Variants in MCOLN2 observed in about 807,000 individuals in gnomAD.
MCOLN2 encodes mucolipin-2.
A neutral mutation model predicts 67.5 loss-of-function variants in MCOLN2; 57 were observed. That is an observed-to-expected ratio of 0.84 (90% CI 0.68 to 1.05). MCOLN2 has a LOEUF of 1.05. Among genes scored for constraint, MCOLN2 ranks in the 50% least tolerant of loss-of-function variants. MCOLN2 has a pLI of 0.00. For missense variants in MCOLN2, 620 were observed against 678.8 expected, an observed-to-expected ratio of 0.91 and a Z score of 0.96; for synonymous variants, 246 against 233.3, an observed-to-expected ratio of 1.05 and a Z score of -0.50.
chr1:84,978,690 C>T (rs758190756), intron 1 of MCOLN2, among the ~76,000 whole-genome samples: 8 of 151,950 alleles, frequency 5.3e-5, no homozygotes, highest in Admixed American at 4.6e-4. Context: ...GTAATGAGAT[C>T]GAAGCTGTAA....
intron 1 of MCOLN2, among the ~76,000 whole-genome samples, chr1:84,967,430 C>A (rs1370388608): frequency 6.6e-6 from 1 of 152,108 alleles, no homozygotes; most frequent in South Asian, 2.1e-4. Flanking sequence ...ACTTGTGGGT[C>A]ATTTTTTAAG....
intron 1 of MCOLN2, among the ~76,000 whole-genome samples, chr1:84,983,676 CTTTT>C (rs569506991): frequency 3.1e-5 from 4 of 129,856 alleles, no homozygotes; most frequent in African/African-American, 2.9e-5. Context: ...TTTAAAATTT[CTTTT>C]TTTTTTTTTT....
intron 1 of MCOLN2, among the ~76,000 whole-genome samples, chr1:84,973,704 T>C (rs1254647625): frequency 6.6e-6 from 1 of 152,050 alleles, no homozygotes; most frequent in Non-Finnish European, 1.5e-5. Context: ...GCAAAGGACA[T>C]AAAGATTCTT....
rs1557666022 is a variant in MCOLN2, at chr1:84,987,584, A to ACATCTATG, written c.77+9211_77+9212insCATAGATG. On this transcript the variant is annotated intron_variant, in intron 1 of 13. Transcript: ENST00000370608. ...TGTATACATAGATGTATACATAGAT[A>ACATCTATG]TATACATATGTATATAGATGTATAT... is the stretch of plus-strand genomic sequence containing the variant. Among the ~76,000 whole-genome samples, 4 of 58,762 alleles carry ACATCTATG rather than the reference A, an allele frequency of 6.8e-5. 1 individual carries two copies. Among genetic ancestry groups the ACATCTATG allele is most frequent in the Non-Finnish European group, 9.6e-5 (3 of 31,260 alleles). The allele number at this position is 58,762 out of a possible 152,430, so 38.6% of individuals were successfully genotyped here.
At chr1:84,982,668 A>G (rs12730688) in intron 1 of MCOLN2, among the ~76,000 whole-genome samples, 65,960 of 151,612 alleles carry the variant, frequency 0.44, 15,037 homozygotes, top group East Asian at 0.63. Context: ...TGTTGTCCTA[A>G]CTGCTATTAT....
At chr1:84,931,629 T>G in intron 11 of MCOLN2, 61 bp from the exon 12 acceptor site, 4 of 1,363,236 alleles carry the variant, frequency 2.9e-6, no homozygotes, top group Non-Finnish European at 4.2e-6. Flanking sequence ...AGAGGATATC[T>G]AGTTAGCTTG....
chr1:84,980,657 C>T (rs572291213), intron 1 of MCOLN2, among the ~76,000 whole-genome samples: 1 of 152,128 alleles, frequency 6.6e-6, no homozygotes. Context: ...CTATCTATCA[C>T]CATATACAAA....
At chr1:84,979,994 C>A (rs1023560529) in intron 1 of MCOLN2, among the ~76,000 whole-genome samples, 1 of 152,074 alleles carries the variant, frequency 6.6e-6, no homozygotes, top group Non-Finnish European at 1.5e-5. Flanking sequence ...GACACAATAT[C>A]AACATACAAA....
chr1:84,929,465 G>T (rs1421960450), intron 13 of MCOLN2, 93 bp downstream of exon 13: 1 of 1,339,338 alleles, frequency 7.5e-7, no homozygotes, highest in South Asian at 1.7e-5. Flanking sequence ...TGATAAGCTG[G>T]TCTCTGAATG....
chr1:84,941,015 A>G (rs1232090981), intron 7 of MCOLN2, 24 bp from the exon 8 acceptor site: 1 of 1,448,534 alleles, frequency 6.9e-7, no homozygotes. Flanking sequence ...CAGAATTCAA[A>G]TGTTAAACAC....
chr1:84,976,423 A>G (rs187310599), intron 1 of MCOLN2, among the ~76,000 whole-genome samples: 143 of 152,346 alleles, frequency 9.4e-4, no homozygotes, highest in Non-Finnish European at 8.1e-4. Context: ...TTTATTCTAG[A>G]ATAGTATGTC....
At chr1:84,965,825 C>G (rs1279448513) in intron 1 of MCOLN2, 117 bp from the exon 2 acceptor site, 10 of 833,366 alleles carry the variant, frequency 1.2e-5, no homozygotes, top group Non-Finnish European at 1.6e-5. Context: ...TACTGAAAAG[C>G]CTCTTTATGA....
chr1:84,967,120 T>C (rs577699251), intron 1 of MCOLN2, among the ~76,000 whole-genome samples: 7 of 152,328 alleles, frequency 4.6e-5, no homozygotes, highest in East Asian at 1.9e-4. Context: ...ACTTCAAGCA[T>C]AGACTGTGAG....
intron 6 of MCOLN2, among the ~76,000 whole-genome samples, chr1:84,948,016 A>C (rs1395775436): frequency 6.6e-6 from 1 of 152,234 alleles, no homozygotes; most frequent in East Asian, 1.9e-4. Flanking sequence ...GCTTGTGCAC[A>C]CTTGGGCCAC....
chr1:84,974,633 G>A (rs543695687), intron 1 of MCOLN2, among the ~76,000 whole-genome samples: 4 of 152,122 alleles, frequency 2.6e-5, no homozygotes, highest in African/African-American at 4.8e-5. Context: ...AATCAGCAGC[G>A]ATACCCAGGT....
At chr1:84,956,378 C>T (rs632545) in intron 4 of MCOLN2, 53 bp downstream of exon 4, 773,419 of 1,574,804 alleles carry the variant, frequency 0.49, 191,545 homozygotes, top group East Asian at 0.61. Context: ...GAGGGCATTT[C>T]TGCTCTTACC....
At chr1:84,937,628 A>G in intron 11 of MCOLN2, 127 bp downstream of exon 11, 1 of 1,472,650 alleles carries the variant, frequency 6.8e-7, no homozygotes, top group South Asian at 1.5e-5. Context: ...AAACTGATAC[A>G]AAGATATGTG....
Position 84,983,866 on chromosome 1 carries a change from A to G in MCOLN2, c.77+12930T>C, listed in dbSNP as rs200519096. Among the ~76,000 whole-genome samples, 10 of 151,430 alleles carry G rather than the reference A, an allele frequency of 6.6e-5. 1 individual carries two copies. Among genetic ancestry groups the G allele is most frequent in the African/African-American group, 1.2e-4 (5 of 41,228 alleles). The stretch of plus-strand genomic sequence containing the variant: ...TAATTTTTGTATTTTTAGTAGAGAC[A>G]GGGTTTCACCATGTTGGCCAAGCTG... On this transcript the variant is annotated intron_variant, in intron 1 of 13. Transcript: ENST00000370608.
chr1:84,993,982 T>C (rs1651023051), intron 1 of MCOLN2, among the ~76,000 whole-genome samples: 1 of 152,368 alleles, frequency 6.6e-6, no homozygotes, highest in East Asian at 1.9e-4. Context: ...GGCTGCAGAA[T>C]GGATGTTGTG....
Sources: allele counts gnomAD v4.1 joint callset (sites outside exome capture counted in the v4.1 genomes callset), GRCh38; gene constraint gnomAD v4.1.1; transcripts MANE v1.5; gene names NCBI Gene and HGNC (gene_info 2026-07-23, HGNC 2026-07-21).